The following CDH4 variants were observed in gnomAD, a reference collection of about 807,000 sequenced individuals.
CDH4 encodes cadherin 4, also known as cadherin-4.
A neutral mutation model predicts 86.0 loss-of-function variants in CDH4; 33 were observed. The ratio of observed to expected loss-of-function variants is 0.38; its 90% confidence interval spans 0.29 to 0.51. The LOEUF is 0.51. Ranked by LOEUF, CDH4 falls within the 20% of genes least tolerant of loss-of-function variation. The pLI is 0.86. For missense variants in CDH4, 1,114 were observed against 1,307.4 expected (o/e 0.85, Z 2.28); for synonymous variants, 555 against 549.4 (o/e 1.01, Z -0.14).
At chr20:61,569,078 T>G (rs1331698324) in intron 2 of CDH4, among the ~76,000 whole-genome samples, 1 of 152,192 alleles carries the variant, frequency 6.6e-6, no homozygotes, top group East Asian at 1.9e-4. Context: ...CTCTGGAGCC[T>G]CAGAGACCCT....
chr20:61,342,887 C>T (rs1386324644), intron 2 of CDH4, among the ~76,000 whole-genome samples: 1 of 152,128 alleles, frequency 6.6e-6, no homozygotes, highest in Non-Finnish European at 1.5e-5. Flanking sequence ...CGATTATAGC[C>T]AGACATAAAG....
intron 6 of CDH4, among the ~76,000 whole-genome samples, chr20:61,857,046 G>A (rs1177398687): frequency 6.6e-6 from 1 of 152,250 alleles, no homozygotes; most frequent in African/African-American, 2.4e-5. Context: ...ACAGCCCTGG[G>A]GGTGAGGGGA....
intron 2 of CDH4, among the ~76,000 whole-genome samples, chr20:61,633,702 G>T (rs1222007376): frequency 1.3e-5 from 2 of 152,222 alleles, no homozygotes. Context: ...TCTGGGAAAG[G>T]AAGTGACAGG....
At position 61,754,463 on chromosome 20, in the gene CDH4, T is replaced by C. The variant is rs956018191; in HGVS notation, c.396+10674T>C. Among the ~76,000 whole-genome samples the C allele has an allele frequency of 3.3e-5, 5 of 152,102 alleles. No individual in the cohort carries two copies. The highest frequency in any genetic ancestry group is 7.4e-5 in the Non-Finnish European group (5 of 68,008). On this transcript the variant is annotated intron_variant, in intron 3 of 15. Transcript: ENST00000614565. This position sits in a 1 kb window ranked among gnomAD's most constrained non-coding sequence, Gnocchi z 4.7. ...GGTCCCTCTGCTGCTACCCAGGCCC[T>C]TCCACTGCCCCTGCTGTCCCCCTGC...
At chr20:61,289,220 G>A (rs1218550983) in intron 2 of CDH4, among the ~76,000 whole-genome samples, 1 of 152,194 alleles carries the variant, frequency 6.6e-6, no homozygotes, top group Non-Finnish European at 1.5e-5. Context: ...GGCATGTGCT[G>A]AGCGGCGTGC....
intron 2 of CDH4, among the ~76,000 whole-genome samples, chr20:61,575,601 CGCCATATCTGGCCCTCT>C (rs2086377538): frequency 6.6e-6 from 1 of 152,250 alleles, no homozygotes; most frequent in Non-Finnish European, 1.5e-5. Flanking sequence ...CTGGCACACA[CGCCATATCTGGCCCTCT>C]GCCTGTATTT....
At chr20:61,565,299 C>CTCTTGGTGGTGGT (rs2086279197) in intron 2 of CDH4, among the ~76,000 whole-genome samples, 1 of 10,042 alleles carries the variant, frequency 1.0e-4, no homozygotes, top group Non-Finnish European at 1.7e-4. Flanking sequence ...ATGGTGGTGG[C>CTCTTGGTGGTGGT]GGTGCTCTTG....
At position 61,773,573 on chromosome 20, in the gene CDH4, G is replaced by GCCAGCGTGCGCCGTGC. The variant is rs1266069739; in HGVS notation, c.576+393_576+408dup. 6.0e-4 allele frequency among the ~76,000 whole-genome samples: 92 copies of GCCAGCGTGCGCCGTGC among 152,320 alleles called. 1 individual carries two copies. The highest frequency in any genetic ancestry group is 2.2e-3 in the African/African-American group (91 of 41,584). On this transcript the variant is annotated intron_variant, in intron 4 of 15. Coordinates refer to ENST00000614565, the MANE Select transcript of CDH4 (RefSeq NM_001794.5). The stretch of plus-strand genomic sequence containing the variant: ...GTGCCATGACGATCCCTGCGCCGAG[G>GCCAGCGTGCGCCGTGC]CCAGCGTGCGCCGTGCCGCGGTCTG...
intron 3 of CDH4, among the ~76,000 whole-genome samples, chr20:61,769,888 C>T (rs2088753717): frequency 6.6e-6 from 1 of 152,146 alleles, no homozygotes; most frequent in Non-Finnish European, 1.5e-5. Context: ...TTGTCATATC[C>T]CCAAGGTAGA....
At chr20:61,764,111 A>G (rs890206766) in intron 3 of CDH4, among the ~76,000 whole-genome samples, 9 of 152,194 alleles carry the variant, frequency 5.9e-5, no homozygotes, top group Non-Finnish European at 1.0e-4. Context: ...CAGGAGAGCA[A>G]GACCCAGGCG....
At chr20:61,814,596 G>A (rs58823722) in intron 4 of CDH4, among the ~76,000 whole-genome samples, 6,059 of 152,324 alleles carry the variant, frequency 0.04, 323 homozygotes, top group African/African-American at 0.12. Context: ...GCTTTGCAGC[G>A]ATGTGGAAAT....
rs139918197 is a variant in CDH4 at position 61,931,502 on chromosome 20, T to TG, written c.2240-1477dup. Among the ~76,000 whole-genome samples, 1,362 of 152,234 alleles carry TG rather than the reference T, an allele frequency of 8.9e-3. 18 individuals carry two copies. The highest frequency in any genetic ancestry group is 0.029 in the African/African-American group (1,223 of 41,550). Reference sequence around the variant, plus strand: ...GTTGGCAAAAAACAGCCCTCCTGACTGGGGGGTCGCCGCCCCTCTCGCCTC... The same window carrying TG: ...GTTGGCAAAAAACAGCCCTCCTGACTGGGGGGGTCGCCGCCCCTCTCGCCTC... On this transcript the variant is annotated intron_variant, in intron 13 of 15. Coordinates refer to ENST00000614565, the MANE Select transcript of CDH4 (RefSeq NM_001794.5).
chr20:61,898,476 C>T (rs1472835393), intron 8 of CDH4, among the ~76,000 whole-genome samples: 3 of 152,178 alleles, frequency 2.0e-5, no homozygotes, highest in Non-Finnish European at 4.4e-5. Flanking sequence ...CAGACCCTGC[C>T]CCAAAGCCTC....
At chr20:61,548,163 A>G (rs2086102661) in intron 2 of CDH4, among the ~76,000 whole-genome samples, 1 of 152,162 alleles carries the variant, frequency 6.6e-6, no homozygotes, top group Non-Finnish European at 1.5e-5. Context: ...TTAAAGTTAG[A>G]AAACAATATA....
intron 2 of CDH4, among the ~76,000 whole-genome samples, chr20:61,439,427 G>C (rs959883028): frequency 6.6e-6 from 1 of 152,200 alleles, no homozygotes; most frequent in African/African-American, 2.4e-5. Flanking sequence ...GGTTAAGGCT[G>C]GCATCATCCC....
chr20:61,328,019 T>C (rs183187067), intron 2 of CDH4, among the ~76,000 whole-genome samples: 1 of 152,282 alleles, frequency 6.6e-6, no homozygotes, highest in African/African-American at 2.4e-5. Flanking sequence ...TTTGATGATA[T>C]TTGTGCTTAT....
intron 5 of CDH4, among the ~76,000 whole-genome samples, chr20:61,852,420 C>G (rs1982768014): frequency 6.6e-6 from 1 of 152,248 alleles, no homozygotes; most frequent in Non-Finnish European, 1.5e-5. Context: ...CTGTCCTGCT[C>G]CAGACATCTG....
chr20:61,561,997 T>C (rs1429573535), intron 2 of CDH4, among the ~76,000 whole-genome samples: 2 of 149,642 alleles, frequency 1.3e-5, no homozygotes, highest in African/African-American at 4.9e-5. Flanking sequence ...TGTGGAGAGG[T>C]GGACCCCAGG....
chr20:61,556,463 T>C (rs2086178255), intron 2 of CDH4, among the ~76,000 whole-genome samples: 1 of 152,148 alleles, frequency 6.6e-6, no homozygotes, highest in Non-Finnish European at 1.5e-5. Flanking sequence ...ACACAGACTT[T>C]TGTTAAACAG....
Sources: gnomAD v4.1 joint callset for allele counts (sites outside exome capture counted in the v4.1 genomes callset) on GRCh38, gnomAD v4.1.1 for gene constraint, Gnocchi (gnomAD v3.1) non-coding constraint, MANE v1.5 for transcripts, NCBI Gene and HGNC (gene_info 2026-07-23, HGNC 2026-07-21) for gene names.